BCKDHB: variants seen among roughly 807,000 people sequenced by gnomAD.
BCKDHB encodes 2-oxoisovalerate dehydrogenase subunit beta, mitochondrial.
In BCKDHB, 41 loss-of-function variants were observed where a neutral mutation model predicts 48.5. That is an observed-to-expected ratio of 0.85 (90% CI 0.66 to 1.10). BCKDHB has a LOEUF of 1.10. Ranked by LOEUF, BCKDHB falls within the 50% of genes least tolerant of loss-of-function variation. The probability of loss-of-function intolerance (pLI) is 0.00; values close to 1 mark genes in which losing one functional copy is unlikely to be tolerated. For missense variants in BCKDHB, 496 were observed against 494.2 expected (o/e 1.00, Z -0.03); for synonymous variants, 201 against 174.8 (o/e 1.15, Z -1.18).
At chr6:80,219,941 T>C (rs575256692) in intron 8 of BCKDHB, among the ~76,000 whole-genome samples, 1 of 152,152 alleles carries the variant, frequency 6.6e-6, no homozygotes, top group Non-Finnish European at 1.5e-5. Context: ...TCTGGAAGCT[T>C]TTGTGATTTT....
intron 3 of BCKDHB, among the ~76,000 whole-genome samples, chr6:80,140,772 G>T (rs1160027277): frequency 2.0e-5 from 3 of 151,876 alleles, no homozygotes; most frequent in South Asian, 4.1e-4. Flanking sequence ...TCTCTTTTTT[G>T]GTTGTGTCTC....
At chr6:80,216,569 G>C (rs1280182571) in intron 8 of BCKDHB, among the ~76,000 whole-genome samples, 1 of 151,996 alleles carries the variant, frequency 6.6e-6, no homozygotes, top group Non-Finnish European at 1.5e-5. Context: ...TAAATTATTT[G>C]AGTTTGACTC....
At chr6:80,144,841 T>A (rs2127746317) in intron 3 of BCKDHB, among the ~76,000 whole-genome samples, 1 of 152,260 alleles carries the variant, frequency 6.6e-6, no homozygotes, top group Middle Eastern at 3.4e-3. Flanking sequence ...GTATTCATTT[T>A]ACTAAGGGAG....
At chr6:80,206,476 G>A (rs570240104) in intron 8 of BCKDHB, among the ~76,000 whole-genome samples, 1 of 151,948 alleles carries the variant, frequency 6.6e-6, no homozygotes, top group South Asian at 2.1e-4. Flanking sequence ...TGATTGTTAT[G>A]CTTAGGAACA....
At chr6:80,367,987 G>A in the BCKDHB span, among the ~76,000 whole-genome samples, 1 of 152,200 alleles carries the variant, frequency 6.6e-6, no homozygotes, top group African/African-American at 2.4e-5. Context: ...GCCCTTCTGA[G>A]AGTGACGCTG....
intron 8 of BCKDHB, among the ~76,000 whole-genome samples, chr6:80,233,383 T>A (rs1776014104): frequency 6.6e-6 from 1 of 152,212 alleles, no homozygotes; most frequent in South Asian, 2.1e-4. Context: ...GTAAATATAC[T>A]ATGAAACCTT....
chr6:80,422,636 A>G, the BCKDHB span, among the ~76,000 whole-genome samples: 1 of 152,328 alleles, frequency 6.6e-6, no homozygotes, highest in East Asian at 1.9e-4. Context: ...TTCTTGCATC[A>G]GTGTGCCATG....
chr6:80,356,952 G>GCCCCCC, the BCKDHB span: 2 of 90,358 alleles, frequency 2.2e-5, no homozygotes, highest in African/African-American at 1.0e-4. Flanking sequence ...CCCCGCCCCC[G>GCCCCCC]CCCCCCCCCC....
intron 8 of BCKDHB, among the ~76,000 whole-genome samples, chr6:80,256,637 CA>C (rs1192341615): frequency 2.6e-5 from 4 of 152,096 alleles, no homozygotes; most frequent in African/African-American, 9.7e-5. Flanking sequence ...TTTATACTTT[CA>C]TTTTTTATTT....
At chr6:80,390,471 T>C in the BCKDHB span, among the ~76,000 whole-genome samples, 38 of 152,356 alleles carry the variant, frequency 2.5e-4, no homozygotes, top group African/African-American at 9.1e-4. Flanking sequence ...ATTTCCTCCT[T>C]CTTTTGTTAA....
chr6:80,377,040 A>AT, the BCKDHB span, among the ~76,000 whole-genome samples: 1,734 of 133,276 alleles, frequency 0.013, 47 homozygotes, highest in African/African-American at 0.044. Context: ...AAGGCTTTTA[A>AT]TTTTTTTTTT....
chr6:80,200,454 T>G (rs1235903035), intron 6 of BCKDHB, among the ~76,000 whole-genome samples: 1 of 152,218 alleles, frequency 6.6e-6, no homozygotes, highest in African/African-American at 2.4e-5. Context: ...AGAAAATTGA[T>G]CTGAGAACTT....
chr6:80,411,963 C>T, the BCKDHB span, among the ~76,000 whole-genome samples: 1 of 152,200 alleles, frequency 6.6e-6, no homozygotes, highest in African/African-American at 2.4e-5. Flanking sequence ...GTGGGCTGCA[C>T]CCACTGTCCA....
At chr6:80,310,989 T>C (rs534994190) in intron 9 of BCKDHB, among the ~76,000 whole-genome samples, 1 of 152,324 alleles carries the variant, frequency 6.6e-6, no homozygotes, top group South Asian at 2.1e-4. Context: ...TTATAAATGC[T>C]GGATATTAGA....
chr6:80,220,660 T>C (rs1369347082), intron 8 of BCKDHB, among the ~76,000 whole-genome samples: 2 of 151,866 alleles, frequency 1.3e-5, no homozygotes, highest in African/African-American at 4.8e-5. Flanking sequence ...ACATCAGTGC[T>C]CATAGGATAA....
intron 8 of BCKDHB, among the ~76,000 whole-genome samples, chr6:80,270,064 T>C (rs140203240): frequency 1.3e-5 from 2 of 152,270 alleles, no homozygotes; most frequent in Non-Finnish European, 2.9e-5. Context: ...TCATTTTCAC[T>C]ATACTAACAT....
At chr6:80,416,646 G>T in the BCKDHB span, among the ~76,000 whole-genome samples, 1 of 151,724 alleles carries the variant, frequency 6.6e-6, no homozygotes, top group African/African-American at 2.4e-5. Context: ...CCTAGAAATT[G>T]TTTCTTATGA....
chr6:80,337,167 T>C (rs979844066), intron 9 of BCKDHB, among the ~76,000 whole-genome samples: 5 of 152,128 alleles, frequency 3.3e-5, no homozygotes, highest in African/African-American at 1.2e-4. Flanking sequence ...TTGCTAAAAC[T>C]CATGTTTTGA....
intron 9 of BCKDHB, among the ~76,000 whole-genome samples, chr6:80,286,274 A>G (rs1211104981): frequency 6.6e-6 from 1 of 152,212 alleles, no homozygotes; most frequent in African/African-American, 2.4e-5. Flanking sequence ...TCCTTAGAGT[A>G]AACCCAATTT....
Sources: gnomAD v4.1 joint callset for allele counts (sites outside exome capture counted in the v4.1 genomes callset) on GRCh38, gnomAD v4.1.1 for gene constraint, MANE v1.5 for transcripts, NCBI Gene and HGNC (gene_info 2026-07-23, HGNC 2026-07-21) for gene names.